The following POLA1 variants were observed in gnomAD, a reference collection of about 807,000 sequenced individuals.
The protein encoded by POLA1 is DNA polymerase alpha 1, catalytic subunit.
Under a neutral mutation model 124.0 loss-of-function variants are expected in POLA1, and 15 were observed. The ratio of observed to expected loss-of-function variants is 0.12; its 90% CI spans 0.08 to 0.19. The LOEUF is 0.19. Among genes scored for constraint, POLA1 ranks in the 10% least tolerant of loss-of-function variants. The pLI, the probability that POLA1 is intolerant of heterozygous loss-of-function variation, is 1.00. For missense variants in POLA1, 886 were observed against 1,103.4 expected (o/e 0.80, Z 2.79); for synonymous variants, 408 against 389.4 (o/e 1.05, Z -0.56).
intron 26 of POLA1, among the ~76,000 whole-genome samples, chrX:24,776,024 T>C (rs755406538): frequency 1.8e-5 from 2 of 111,936 alleles, no homozygotes; most frequent in African/African-American, 3.2e-5. Flanking sequence ...AGAACACCAC[T>C]GTAGCATTTA....
rs192465870 is a variant in POLA1, at chrX:24,846,114, T to G, written c.4047+2437T>G. Among the ~76,000 whole-genome samples the G allele has an allele frequency of 1.8e-3, 198 of 112,418 alleles. 3 individuals are homozygous for G. The highest frequency in any genetic ancestry group is 6.2e-3 in the African/African-American group (194 of 31,053). ...GTACATCACATTCTGTTACCTTCTG[T>G]CATGAATTAACAGGACTGACTAAAT... On this transcript the variant is annotated intron_variant, in intron 34 of 36. Coordinates refer to ENST00000379068, the MANE Select transcript of POLA1 (RefSeq NM_001330360.2).
At chrX:24,982,489 G>A (rs1274719196) in intron 36 of POLA1, among the ~76,000 whole-genome samples, 4 of 109,354 alleles carry the variant, frequency 3.7e-5, no homozygotes, top group South Asian at 8.0e-4. Context: ...TTGAAAAAAT[G>A]TGTCAAGCAG....
At chrX:24,784,059 C>CTT (rs11295214) in intron 26 of POLA1, among the ~76,000 whole-genome samples, 65 of 59,488 alleles carry the variant, frequency 1.1e-3, no homozygotes, top group Non-Finnish European at 1.5e-3. Context: ...ATTTATATTT[C>CTT]TTTTTTTTTT....
intron 36 of POLA1, among the ~76,000 whole-genome samples, chrX:24,961,097 TA>T (rs1354351434): frequency 8.9e-6 from 1 of 111,934 alleles, no homozygotes; most frequent in Non-Finnish European, 1.9e-5. Context: ...CATTTGCAGC[TA>T]GCTGTTCCTT....
chrX:24,949,178 G>A (rs1011224541), intron 36 of POLA1, among the ~76,000 whole-genome samples: 8 of 112,104 alleles, frequency 7.1e-5, no homozygotes, highest in African/African-American at 2.6e-4. Flanking sequence ...GAAACCAGAG[G>A]TCGCATAGTA....
intron 36 of POLA1, among the ~76,000 whole-genome samples, chrX:24,963,026 C>T (rs11573503): frequency 3.7e-4 from 41 of 111,406 alleles, no homozygotes; most frequent in African/African-American, 6.8e-4. Flanking sequence ...CTTTCAGGGT[C>T]ATCTTAGTTC....
intron 35 of POLA1, among the ~76,000 whole-genome samples, chrX:24,906,648 C>CT (rs2047370548): frequency 9.0e-6 from 1 of 110,668 alleles, no homozygotes; most frequent in Non-Finnish European, 1.9e-5. Flanking sequence ...TAACCAAAAA[C>CT]CACCTGTACC....
chrX:24,719,416 T>A (rs1248807856), intron 10 of POLA1, among the ~76,000 whole-genome samples: 1 of 111,952 alleles, frequency 8.9e-6, no homozygotes. Context: ...ATTTTAGAAA[T>A]GATATCTTAA....
At chrX:24,866,091 T>C (rs1163488987) in intron 34 of POLA1, among the ~76,000 whole-genome samples, 1 of 112,085 alleles carries the variant, frequency 8.9e-6, no homozygotes, top group East Asian at 2.8e-4. Context: ...ATATTTTCCA[T>C]CTGAATTTTT....
rs758865593 is a variant in POLA1, at chrX:24,716,384, C to T, written c.548C>T (p.Pro183Leu). The T allele has an allele frequency of 1.7e-6, 2 of 1,171,238 alleles. No homozygotes were observed. The highest frequency in any genetic ancestry group is 1.8e-5 in the African/African-American group (1 of 56,444). ...TAGACACCTCAAATAACTCCACCAC[C>T]TGTAATGATACTGAAGAAGAAAAGA... ...NTETPQITPP[P>L]VMILKKKRSI... Residue 183 changes from proline to leucine, a missense_variant, in exon 7 of 37, where the codon CCT becomes CTT. Around this residue, in one of 7 missense-constraint regions of POLA1, gnomAD observed 337 missense variants for 402.8 expected, o/e 0.84. Coordinates refer to ENST00000379068, the MANE Select transcript of POLA1 (RefSeq NM_001330360.2).
At chrX:24,736,333 A>G (rs1931272991) in intron 18 of POLA1, among the ~76,000 whole-genome samples, 1 of 111,747 alleles carries the variant, frequency 8.9e-6, no homozygotes, top group African/African-American at 3.3e-5. Flanking sequence ...CACTTCCCTT[A>G]TGATATTTCA....
chrX:24,870,347 C>A (rs1325449923), intron 34 of POLA1, among the ~76,000 whole-genome samples: 1 of 112,147 alleles, frequency 8.9e-6, no homozygotes, highest in Non-Finnish European at 1.9e-5. Context: ...AGCGCAATAT[C>A]TTAGTCCTTC....
intron 36 of POLA1, among the ~76,000 whole-genome samples, chrX:24,991,208 C>G (rs1346587784): frequency 1.9e-5 from 2 of 106,785 alleles, no homozygotes; most frequent in African/African-American, 6.8e-5. Flanking sequence ...CCCCCCCACA[C>G]CCACCCAAAA....
chrX:24,768,605 A>AT (rs1293924814), intron 26 of POLA1, among the ~76,000 whole-genome samples: 5 of 112,225 alleles, frequency 4.5e-5, no homozygotes, highest in African/African-American at 1.6e-4. Flanking sequence ...AGTGAAGGGG[A>AT]TAAAAACTCC....
At chrX:24,983,551 A>G (rs928153086) in intron 36 of POLA1, among the ~76,000 whole-genome samples, 1 of 112,377 alleles carries the variant, frequency 8.9e-6, no homozygotes, top group Non-Finnish European at 1.9e-5. Context: ...CCCATCAATC[A>G]GTATTGTTAA....
intron 32 of POLA1, among the ~76,000 whole-genome samples, chrX:24,826,927 G>A (rs1439971035): frequency 8.9e-6 from 1 of 111,992 alleles, no homozygotes; most frequent in Non-Finnish European, 1.9e-5. Context: ...GCTTTAATTA[G>A]TGTACCTCCA....
chrX:24,868,231 A>T (rs1253795316), intron 34 of POLA1, among the ~76,000 whole-genome samples: 1 of 112,266 alleles, frequency 8.9e-6, no homozygotes, highest in Non-Finnish European at 1.9e-5. Flanking sequence ...AGGTTAAATA[A>T]TGCTGAGCTT....
intron 36 of POLA1, among the ~76,000 whole-genome samples, chrX:24,988,349 A>C (rs1166825666): frequency 8.9e-6 from 1 of 112,801 alleles, no homozygotes; most frequent in East Asian, 2.8e-4. Context: ...TGCATTCATT[A>C]AAGTGAAGGA....
intron 35 of POLA1, among the ~76,000 whole-genome samples, chrX:24,923,496 C>CA (rs1475960220): frequency 5.4e-5 from 6 of 111,378 alleles, no homozygotes; most frequent in Non-Finnish European, 3.8e-5. Context: ...TTCATCTTTA[C>CA]AAAAAAAGGA....
Sources: gnomAD v4.1 joint callset for allele counts (sites outside exome capture counted in the v4.1 genomes callset) on GRCh38, gnomAD v4.1.1 for gene constraint, gnomAD v4.1.1 regional missense constraint, MANE v1.5 for transcripts, NCBI Gene and HGNC (gene_info 2026-07-23, HGNC 2026-07-21) for gene names.